Variants in USO1 observed in about 807,000 individuals in gnomAD.
USO1 encodes USO1 vesicle transport factor.
A neutral mutation model predicts 124.5 loss-of-function variants in USO1; 57 were observed. The observed-to-expected ratio is 0.46, with a 90% confidence interval of 0.37 to 0.57. USO1 has a LOEUF of 0.57. USO1 is among the 20% of genes least tolerant of loss of function. The pLI is 0.00. For synonymous variants in USO1, 369 were observed against 362.8 expected (o/e 1.02, Z -0.19); for missense variants, 900 against 1,040.6 (o/e 0.86, Z 1.86).
chr4:75,781,041 AT>A (rs1180194168), intron 8 of USO1, among the ~76,000 whole-genome samples: 2 of 152,126 alleles, frequency 1.3e-5, no homozygotes, highest in Non-Finnish European at 2.9e-5. Context: ...GGCAAAGTAA[AT>A]TGAAAACTTT....
rs933591487 is a variant in USO1, at chr4:75,810,456, G to A, written c.2500G>A (p.Glu834Lys). The A allele has an allele frequency of 1.2e-6, 2 of 1,612,128 alleles. No individual in the cohort carries two copies. Among genetic ancestry groups the A allele is most frequent in the African/African-American group, 1.3e-5 (1 of 74,860 alleles). The change falls in exon 22 of 24, where the codon GAG becomes AAG. Residue 834 changes from glutamate to lysine, a missense_variant. Glu to Lys is a moderately conservative substitution (Grantham distance 56). This residue lies in a region of USO1 where 362 missense variants were observed against 359.0 expected (regional missense o/e 1.01). Transcript: ENST00000514213. ...AFAKSVEVQGETETIIATKTT... is the reference protein window; with the variant it reads ...AFAKSVEVQGKTETIIATKTT... Reference sequence around the variant, plus strand: ...GGCAAAATCAGTTGAGGTACAAGGAGAGACCGAGACTATAATAGCCACCAA... The same window carrying A: ...GGCAAAATCAGTTGAGGTACAAGGAAAGACCGAGACTATAATAGCCACCAA...
intron 9 of USO1, among the ~76,000 whole-genome samples, chr4:75,784,778 GA>G (rs1379276430): frequency 1.3e-5 from 2 of 149,912 alleles, no homozygotes; most frequent in East Asian, 3.9e-4. Context: ...AACAGAGTGA[GA>G]CTCTATCTCA....
At chr4:75,769,490 C>A (rs1306420095) in intron 4 of USO1, among the ~76,000 whole-genome samples, 1 of 152,078 alleles carries the variant, frequency 6.6e-6, no homozygotes, top group African/African-American at 2.4e-5. Flanking sequence ...TTTTCCCTCA[C>A]ATTTAGAAAA....
intron 1 of USO1, among the ~76,000 whole-genome samples, chr4:75,728,926 G>A (rs1386320907): frequency 6.6e-6 from 1 of 151,966 alleles, no homozygotes; most frequent in Non-Finnish European, 1.5e-5. Flanking sequence ...AGCCTCCCAA[G>A]TAGCTGGGAC....
chr4:75,743,870 G>A (rs1043120225), intron 1 of USO1, among the ~76,000 whole-genome samples: 2 of 151,988 alleles, frequency 1.3e-5, no homozygotes, highest in African/African-American at 4.8e-5. Context: ...TCCGCCTCCT[G>A]GATTCACGCC....
intron 7 of USO1, among the ~76,000 whole-genome samples, chr4:75,771,666 T>C (rs969784491): frequency 6.6e-6 from 1 of 152,226 alleles, no homozygotes; most frequent in Non-Finnish European, 1.5e-5. Context: ...TCCTTGCCCT[T>C]ATTTGATTGA....
At position 75,804,163 on chromosome 4, in the gene USO1, G is replaced by C; in HGVS notation, c.2016G>C (p.Gln672His). The change falls in exon 18 of 24, where the codon CAG becomes CAC. Residue 672 changes from glutamine to histidine, a missense_variant. Coordinates refer to ENST00000514213, the MANE Select transcript of USO1 (RefSeq NM_003715.4). ...QDLQLEELRQQVSTLKCQNEQ... is the reference protein window; with the variant it reads ...QDLQLEELRQHVSTLKCQNEQ... ...TCCAACTTGAGGAATTAAGGCAGCA[G>C]GTTTCTACATTAAAATGTCAAAATG... 4 of 1,613,442 alleles carry C rather than the reference G, an allele frequency of 2.5e-6. No individual in the cohort carries two copies. Among genetic ancestry groups the C allele is most frequent in the Non-Finnish European group, 3.4e-6 (4 of 1,179,660 alleles).
chr4:75,789,460 AGACAGGGTTTCAC>A (rs1722466604), intron 10 of USO1, among the ~76,000 whole-genome samples: 2 of 152,130 alleles, frequency 1.3e-5, no homozygotes. Context: ...TTTGTAGTAG[AGACAGGGTTTCAC>A]CATGTTGGTC....
intron 4 of USO1, among the ~76,000 whole-genome samples, chr4:75,762,963 G>A (rs1391606440): frequency 6.6e-6 from 1 of 152,130 alleles, no homozygotes; most frequent in African/African-American, 2.4e-5. Flanking sequence ...ACATGTACCT[G>A]TTTAATTAAC....
Position 75,740,176 on chromosome 4 carries a change from T to C in USO1, c.67-12197T>C, listed in dbSNP as rs549879942. Among the ~76,000 whole-genome samples, 18 of 152,234 alleles carry C rather than the reference T, an allele frequency of 1.2e-4. No individual in the cohort carries two copies. In the East Asian group the frequency reaches 2.7e-3, roughly 23 times the overall value. On this transcript the variant is annotated intron_variant, in intron 1 of 23. Transcript: ENST00000514213. The stretch of plus-strand genomic sequence containing the variant: ...TAGTGACACCTCATCTCTAAAAAAA[T>C]TTTAAAAAGGTGTCTTTAAACAGAA...
intron 1 of USO1, among the ~76,000 whole-genome samples, chr4:75,737,291 C>T (rs1720819791): frequency 6.6e-6 from 1 of 152,136 alleles, no homozygotes; most frequent in African/African-American, 2.4e-5. Flanking sequence ...ATGTAAAACA[C>T]ATTAGGACAG....
intron 1 of USO1, among the ~76,000 whole-genome samples, chr4:75,727,150 A>G (rs1003763001): frequency 1.3e-5 from 2 of 152,204 alleles, no homozygotes; most frequent in Admixed American, 1.3e-4. Context: ...TAGAATTCAC[A>G]GTGTATAGGA....
In USO1 at chr4:75,777,564, C is replaced by T. The variant is rs557009120; in HGVS notation, c.676+2768C>T. Reference sequence around the variant, plus strand: ...ACAGACATCTCACCAAAAAGATATACAGATGGCAAATGACCATATGAAAAG... The same window carrying T: ...ACAGACATCTCACCAAAAAGATATATAGATGGCAAATGACCATATGAAAAG... On this transcript the variant is annotated intron_variant, in intron 8 of 23. Coordinates refer to ENST00000514213, the MANE Select transcript of USO1 (RefSeq NM_003715.4). Among the ~76,000 whole-genome samples the T allele has an allele frequency of 5.3e-5, 8 of 152,176 alleles. No individual in the cohort carries two copies. In the East Asian group the frequency reaches 9.6e-4, roughly 18 times the overall value.
intron 1 of USO1, among the ~76,000 whole-genome samples, chr4:75,744,022 C>T (rs1035184488): frequency 1.3e-5 from 2 of 152,244 alleles, no homozygotes; most frequent in East Asian, 1.9e-4. Context: ...ATGATCCGCC[C>T]GCCATGGCCT....
chr4:75,732,885 A>AAAAAAAG, intron 1 of USO1, among the ~76,000 whole-genome samples: 2 of 150,138 alleles, frequency 1.3e-5, no homozygotes, highest in Non-Finnish European at 3.0e-5. Flanking sequence ...CTAAAAAAAA[A>AAAAAAAG]AAAAAAAAAA....
intron 9 of USO1, among the ~76,000 whole-genome samples, chr4:75,784,145 T>C (rs1396191143): frequency 6.6e-6 from 1 of 152,184 alleles, no homozygotes; most frequent in Non-Finnish European, 1.5e-5. Flanking sequence ...CTCAGCATCC[T>C]GAATAGCTGG....
chr4:75,755,518 C>T (rs1361264631), intron 3 of USO1: 2 of 517,920 alleles, frequency 3.9e-6, no homozygotes, highest in East Asian at 5.5e-5. Flanking sequence ...TGTGTACTGC[C>T]TGTCTAATCT....
intron 1 of USO1, among the ~76,000 whole-genome samples, chr4:75,739,515 G>T (rs1179516831): frequency 6.8e-6 from 1 of 146,134 alleles, no homozygotes; most frequent in Non-Finnish European, 1.5e-5. Context: ...TATGCTTTTT[G>T]CATTTTTGTA....
intron 13 of USO1, among the ~76,000 whole-genome samples, chr4:75,794,293 A>G (rs1722619130): frequency 6.6e-6 from 1 of 152,172 alleles, no homozygotes; most frequent in Admixed American, 6.5e-5. Context: ...TCCCAAAGCA[A>G]TTGATCATCT....
Sources: allele counts gnomAD v4.1 joint callset (sites outside exome capture counted in the v4.1 genomes callset), GRCh38; gene constraint gnomAD v4.1.1; regional missense constraint gnomAD v4.1.1; transcripts MANE v1.5; gene names NCBI Gene and HGNC (gene_info 2026-07-23, HGNC 2026-07-21).